The following HELZ2 variants were observed in gnomAD, a reference collection of about 807,000 sequenced individuals.
HELZ2 encodes the protein 3'-5' exoribonuclease HELZ2.
A neutral mutation model predicts 208.8 loss-of-function variants in HELZ2; 143 were observed. That is an observed-to-expected ratio of 0.68 (90% CI 0.60 to 0.79). The LOEUF is 0.79. HELZ2 is among the 30% of genes least tolerant of loss of function. HELZ2 has a pLI of 0.00. For missense variants in HELZ2, 3,690 were observed against 3,794.5 expected, an observed-to-expected ratio of 0.97 and a Z score of 0.72; for synonymous variants, 1,705 against 1,693.7, an observed-to-expected ratio of 1.01 and a Z score of -0.16.
Position 63,563,548 on chromosome 20 carries a change from G to C in HELZ2, c.5274C>G (p.Phe1758Leu), listed in dbSNP as rs778386371. The C allele has an allele frequency of 3.6e-5, 55 of 1,517,304 alleles. No individual in the cohort carries two copies. The highest frequency in any genetic ancestry group is 4.7e-5 in the Non-Finnish European group (53 of 1,134,252). 94.0% of individuals were successfully genotyped at this position (1,517,304 alleles called of 1,614,324 possible). ...CAGGCAGCGTCTCCCGGTTGCTGGG[G>C]AAGAGCAGCCGGAAGCAGCGGGAGC... Residue 1758 changes from phenylalanine to leucine, a missense_variant, in exon 8 of 19, where the codon TTC (phenylalanine) becomes TTG (leucine). Around this residue, in one of 3 missense-constraint regions of HELZ2, gnomAD observed 2,564 missense variants for 2,580.5 expected, o/e 0.99. Transcript: ENST00000467148.
chr20:63,569,766 G>A, intron 3 of HELZ2, 101 bp from the exon 5 acceptor site: 1 of 1,249,372 alleles, frequency 8.0e-7, no homozygotes, highest in Non-Finnish European at 1.1e-6. Context: ...TCAGGTCCTG[G>A]CCCTGCCACT....
chr20:63,559,478 G>GT (rs1475648538), intron 18 of HELZ2, 108 bp from the exon 20 acceptor site: 63 of 678,368 alleles, frequency 9.3e-5, no homozygotes, highest in Admixed American at 4.0e-4. Context: ...TCAGGTGGGA[G>GT]GAGTCAGGGT....
At chr20:63,564,439 C>A in exon 8 of HELZ2, 1 of 1,558,392 alleles carries the variant, frequency 6.4e-7, no homozygotes, top group East Asian at 2.4e-5. Context: ...TCACCTCCTC[C>A]GCCTCCTCGT....
At chr20:63,564,493 C>T in exon 8 of HELZ2, 1 of 1,587,590 alleles carries the variant, frequency 6.3e-7, no homozygotes, top group Non-Finnish European at 8.6e-7. Context: ...GTGCAAAGCG[C>T]AGGCTCTTCA....
At chr20:63,563,206 C>A (rs768713264) in exon 8 of HELZ2, 3 of 1,583,282 alleles carry the variant, frequency 1.9e-6, no homozygotes, top group Non-Finnish European at 2.6e-6. Flanking sequence ...CCCGGGCCAC[C>A]TCCAGGAAAT....
At chr20:63,563,500 G>T in exon 8 of HELZ2, 1 of 1,514,734 alleles carries the variant, frequency 6.6e-7, no homozygotes, top group Non-Finnish European at 8.8e-7. Context: ...GCTGCAGGGA[G>T]CCGTAGGGGA....
exon 8 of HELZ2, chr20:63,563,660 T>C (rs1289288798): frequency 6.4e-7 from 1 of 1,563,266 alleles, no homozygotes. Context: ...CGCCCGCCGC[T>C]GATAGCTCTG....
chr20:63,560,899 G>C, exon 15 of HELZ2: 1 of 1,613,004 alleles, frequency 6.2e-7, no homozygotes, highest in Non-Finnish European at 8.5e-7. Context: ...ACCACAGGCC[G>C]CAGCTGCTTG....
chr20:63,566,968 G>T (rs779891261), exon 6 of HELZ2: 2 of 1,611,408 alleles, frequency 1.2e-6, no homozygotes, highest in East Asian at 4.5e-5. Flanking sequence ...ATTCAGCCAG[G>T]ACGCCATGGA....
chr20:63,570,648 C>CG, intron 2 of HELZ2, 37 bp from the exon 4 acceptor site: 217 of 733,392 alleles, frequency 3.0e-4, no homozygotes, highest in Non-Finnish European at 4.2e-4. Flanking sequence ...GAGGCCTGGA[C>CG]CCCACCCCAC....
intron 14 of HELZ2, 24 bp from the exon 16 acceptor site, chr20:63,560,953 C>T (rs775159479): frequency 1.2e-5 from 20 of 1,610,076 alleles, no homozygotes; most frequent in African/African-American, 2.7e-5. Flanking sequence ...CAGGCCTGGC[C>T]CTGACACCCC....
chr20:63,572,764 G>A (rs772528111), upstream of HELZ2: 91 of 219,234 alleles, frequency 4.2e-4, no homozygotes, highest in Non-Finnish European at 6.2e-4. Context: ...GCTGACGCTC[G>A]AAGGTCCAGA....
At chr20:63,563,965 C>T (rs767955053) in exon 8 of HELZ2, 1 of 1,598,100 alleles carries the variant, frequency 6.3e-7, no homozygotes, top group Non-Finnish European at 8.5e-7. Flanking sequence ...TGACCAAGTC[C>T]ACCATCTGTT....
Position 63,561,812 on chromosome 20 carries a change from C to T in HELZ2, c.6691+11G>A, listed in dbSNP as rs2082890567. The T allele has an allele frequency of 6.4e-7, 1 of 1,554,598 alleles. No homozygotes were observed. Among genetic ancestry groups the T allele is most frequent in the African/African-American group, 1.4e-5 (1 of 73,330 alleles). On this transcript the variant is annotated intron_variant, in intron 11 of 18. Transcript: ENST00000467148. ...GCTCCCCAAAGGCCCCCACCGCCGA[C>T]CCCGGCGCACCTGCCAGGACATCCA...
At chr20:63,569,058 C>A in intron 4 of HELZ2, 59 bp from the exon 6 acceptor site, 1 of 1,593,664 alleles carries the variant, frequency 6.3e-7, no homozygotes, top group Non-Finnish European at 8.5e-7. Flanking sequence ...GCTGCCAAGT[C>A]CACGCCCCCA....
intron 1 of HELZ2, 92 bp from the exon 3 acceptor site, chr20:63,570,960 T>C: frequency 1.0e-6 from 1 of 1,003,242 alleles, no homozygotes; most frequent in South Asian, 1.7e-5. Flanking sequence ...TACTGGCCTC[T>C]GTAGGGAGCA....
At position 63,563,651 on chromosome 20, in the gene HELZ2, G is replaced by A. The variant is rs768343033; in HGVS notation, c.5171C>T (p.Ala1724Val). 2.3e-5 allele frequency: 36 copies of A among 1,549,208 alleles called. No homozygotes were observed. Among genetic ancestry groups the A allele is most frequent in the Middle Eastern group, 1.7e-4 (1 of 6,024 alleles). Residue 1724 changes from alanine (A) to valine (V), a missense_variant, in exon 8 of 19, where the codon GCG becomes GTG. Physicochemically the swap from Ala to Val is moderately conservative, Grantham distance 64. This residue lies in a region of HELZ2 where 2,564 missense variants were observed against 2,580.5 expected (regional missense o/e 0.99). Coordinates refer to ENST00000467148, the Ensembl canonical transcript of HELZ2. ...CTGCACGGCCAGGTGCAGGCTGCGC[G>A]CCCGCCGCTGATAGCTCTGGGCAAG...
At chr20:63,567,898 A>G in intron 5 of HELZ2, 1 of 624,376 alleles carries the variant, frequency 1.6e-6, no homozygotes, top group Non-Finnish European at 2.7e-6. Flanking sequence ...CAATCCAGAA[A>G]TCAGCCCGGG....
downstream of HELZ2, chr20:63,558,793 T>C (rs73611739): frequency 0.016 from 2,452 of 153,048 alleles, 52 homozygotes; most frequent in East Asian, 0.096. Context: ...CCGCCTCGGC[T>C]TCCCAAAGTG....
Sources: gnomAD v4.1 joint callset for allele counts on GRCh38, gnomAD v4.1.1 for gene constraint, gnomAD v4.1.1 regional missense constraint, MANE v1.5 for transcripts, NCBI Gene and HGNC (gene_info 2026-07-23, HGNC 2026-07-21) for gene names.